Variants in ADGRE3 observed in about 807,000 individuals in gnomAD.
The protein encoded by ADGRE3 is adhesion G protein-coupled receptor E3.
A neutral mutation model predicts 80.1 loss-of-function variants in ADGRE3; 88 were observed. The observed-to-expected ratio is 1.10, with a 90% confidence interval of 0.93 to 1.31. ADGRE3 has a LOEUF of 1.31. Ranked by LOEUF, ADGRE3 falls within the 40% of genes most tolerant of loss-of-function variation. The pLI, the probability that ADGRE3 is intolerant of heterozygous loss-of-function variation, is 0.00. For missense variants in ADGRE3, 715 were observed against 776.5 expected (o/e 0.92, Z 0.94); for synonymous variants, 281 against 294.8 (o/e 0.95, Z 0.48).
At position 14,663,441 on chromosome 19, in the gene ADGRE3, G is replaced by A. The variant is rs755723062; in HGVS notation, c.176C>T (p.Thr59Ile). ...YTSGSGQKLF[T>I]FPLETCNDIN... is the part of the protein sequence containing the mutation. Reference sequence around the variant, plus strand: ...ACCGTTACATGTCTCCAAGGGGAATGTGAATAGTTTCTGCCCAGATCCAGA... The same window carrying A: ...ACCGTTACATGTCTCCAAGGGGAATATGAATAGTTTCTGCCCAGATCCAGA... Residue 59 changes from threonine to isoleucine, a missense_variant, in exon 3 of 16, where the codon ACA becomes ATA. By Grantham distance (89) the Thr-to-Ile change is moderately conservative (BLOSUM62 -1). Transcript: ENST00000253673. 2 of 1,609,190 alleles carry A rather than the reference G, an allele frequency of 1.2e-6. No individual in the cohort carries two copies. Among genetic ancestry groups the A allele is most frequent in the South Asian group, 2.2e-5 (2 of 90,662 alleles).
chr19:14,637,019 G>A (rs576084320), intron 11 of ADGRE3, among the ~76,000 whole-genome samples: 4 of 152,138 alleles, frequency 2.6e-5, no homozygotes, highest in South Asian at 2.1e-4. Flanking sequence ...GCTTGAACCC[G>A]GGAGGTGGAG....
the ADGRE3 span, among the ~76,000 whole-genome samples, chr19:14,603,590 A>G: frequency 6.6e-6 from 1 of 151,562 alleles, no homozygotes; most frequent in African/African-American, 2.4e-5. Flanking sequence ...CTCCCAAGTA[A>G]CTGGGACTAT....
chr19:14,623,946 A>T (rs1224993122), intron 15 of ADGRE3, among the ~76,000 whole-genome samples: 1 of 152,188 alleles, frequency 6.6e-6, no homozygotes, highest in African/African-American at 2.4e-5. Flanking sequence ...ACTCTTCCTC[A>T]TACCCTCCAG....
In ADGRE3 at chr19:14,662,117, G is replaced by A; in HGVS notation, c.201C>T (p.Asp67=). The change falls in exon 4 of 16, where the codon GAC becomes GAT. Residue 67 remains aspartate, a splice_region_variant and synonymous_variant. Coordinates refer to ENST00000253673, the MANE Select transcript of ADGRE3 (RefSeq NM_032571.5). ...LFTFPLETCN[D]INECTPPYSV... is the part of the protein sequence containing the mutation. ...TATAGGGTGGTGTACATTCATTAAT[G>A]TCTGGAACACAAAGAAGCAATTGGG... 1 of 1,613,810 alleles carries A rather than the reference G, an allele frequency of 6.2e-7. No individual in the cohort carries two copies. Among genetic ancestry groups the A allele is most frequent in the Non-Finnish European group, 8.5e-7 (1 of 1,179,828 alleles).
intron 7 of ADGRE3, among the ~76,000 whole-genome samples, chr19:14,648,315 G>A (rs114065256): frequency 6.6e-6 from 1 of 152,070 alleles, no homozygotes. Flanking sequence ...AACTTCCATG[G>A]GCGTGAATTT....
chr19:14,648,475 A>G (rs1599633283), intron 7 of ADGRE3, among the ~76,000 whole-genome samples: 1 of 152,026 alleles, frequency 6.6e-6, no homozygotes, highest in African/African-American at 2.4e-5. Context: ...AGCCCCAGGT[A>G]CCCCAACAGC....
chr19:14,674,703 G>C, intron 1 of ADGRE3, 43 bp downstream of exon 1: 8 of 1,601,340 alleles, frequency 5.0e-6, no homozygotes, highest in Non-Finnish European at 6.8e-6. Context: ...GTCCCTGACT[G>C]GGGGATAGGT....
rs753119764 is a variant in ADGRE3 at position 14,638,168 on chromosome 19, A to G, written c.1421T>C (p.Val474Ala). 1.9e-6 allele frequency: 3 copies of G among 1,613,954 alleles called. No homozygotes were observed. Among genetic ancestry groups the G allele is most frequent in the Non-Finnish European group, 2.5e-6 (3 of 1,179,988 alleles). Residue 474 changes from valine (V) to alanine (A), a missense_variant, in exon 11 of 16, where the codon GTT (valine) becomes GCT (alanine). Val to Ala is a moderately conservative substitution (Grantham distance 64). Coordinates refer to ENST00000253673, the MANE Select transcript of ADGRE3 (RefSeq NM_032571.5). ...KWIMFPVGYG[V>A]PAVTVAISAA... is the part of the protein sequence containing the mutation. ...AGAAATGGCCACAGTCACAGCGGGA[A>G]CGCCATAGCCGACTGGGAACATGAT...
In ADGRE3 at chr19:14,651,123, T is replaced by C; in HGVS notation, c.659A>G (p.Asp220Gly). ...FNLNVQMNSM[D>G]IRCSDIIQGD... ...CTGGATGATGTCACTGCAACGGATG[T>C]CCATTGAGTTCATTTGGACGTTCAA... The change falls in exon 7 of 16, where the codon GAC (aspartate) becomes GGC (glycine). Residue 220 changes from aspartate to glycine, a missense_variant. Coordinates refer to ENST00000253673, the MANE Select transcript of ADGRE3 (RefSeq NM_032571.5). 6.2e-7 allele frequency: 1 copy of C among 1,614,130 alleles called. No individual in the cohort carries two copies. Among genetic ancestry groups the C allele is most frequent in the Non-Finnish European group, 8.5e-7 (1 of 1,179,974 alleles).
intron 6 of ADGRE3, among the ~76,000 whole-genome samples, chr19:14,651,488 C>T (rs1166776807): frequency 1.3e-5 from 2 of 152,194 alleles, no homozygotes; most frequent in East Asian, 1.9e-4. Flanking sequence ...AAACCTATAA[C>T]TTCATCAGGG....
intron 6 of ADGRE3, 80 bp from the exon 7 acceptor site, chr19:14,651,284 G>T: frequency 6.7e-7 from 1 of 1,488,864 alleles, no homozygotes. Flanking sequence ...ACATGGTGGT[G>T]CATGCCTGTA....
At chr19:14,665,936 G>GTATATATATGCATATATATA (rs71166783) in intron 2 of ADGRE3, among the ~76,000 whole-genome samples, 5 of 42,096 alleles carry the variant, frequency 1.2e-4, no homozygotes, top group Middle Eastern at 0.021. Flanking sequence ...ACACATATGT[G>GTATATATATGCATATATATA]TATATATATA....
chr19:14,600,562 C>T, the ADGRE3 span, among the ~76,000 whole-genome samples: 23 of 151,942 alleles, frequency 1.5e-4, no homozygotes, highest in Middle Eastern at 3.4e-3. Flanking sequence ...GTATGCCAGT[C>T]GGAAGAGTTT....
At chr19:14,632,036 C>T (rs756090890) in intron 13 of ADGRE3, among the ~76,000 whole-genome samples, 9 of 152,114 alleles carry the variant, frequency 5.9e-5, no homozygotes, top group Non-Finnish European at 1.0e-4. Context: ...AATACTCATA[C>T]CTCAAGATAT....
intron 11 of ADGRE3, among the ~76,000 whole-genome samples, chr19:14,637,321 C>A (rs6511946): frequency 0.93 from 140,453 of 151,326 alleles, 65,238 homozygotes; most frequent in African/African-American, 0.94. Context: ...GTCCCAGTCC[C>A]GAACTCCTTG....
At chr19:14,641,665 T>C (rs753587053) in intron 9 of ADGRE3, 49 bp from the exon 10 acceptor site, 10 of 1,594,850 alleles carry the variant, frequency 6.3e-6, no homozygotes, top group Non-Finnish European at 8.5e-6. Context: ...GCACTGGGAT[T>C]ATGGCTCCCT....
intron 11 of ADGRE3, among the ~76,000 whole-genome samples, chr19:14,637,377 C>T (rs1310110923): frequency 3.3e-5 from 5 of 149,734 alleles, no homozygotes; most frequent in Admixed American, 2.7e-4. Flanking sequence ...GCTTGGCGCC[C>T]TGAGATTTTT....
chr19:14,663,380 T>C, intron 3 of ADGRE3, 38 bp downstream of exon 3: 1 of 1,262,374 alleles, frequency 7.9e-7, no homozygotes, highest in Non-Finnish European at 1.0e-6. Context: ...ATAATGATAA[T>C]AAAATAATAA....
rs1972093220 is a variant in ADGRE3 at position 14,665,969 on chromosome 19, T to C, written c.77-2429A>G. On this transcript the variant is annotated intron_variant, in intron 2 of 15. Coordinates refer to ENST00000253673, the MANE Select transcript of ADGRE3 (RefSeq NM_032571.5). Reference sequence around the variant, plus strand: ...ATATATATATATATATATATATATATATATATATAGTGTTTTCTTTATCCA... The same window carrying C: ...ATATATATATATATATATATATATACATATATATAGTGTTTTCTTTATCCA... 5.3e-5 allele frequency among the ~76,000 whole-genome samples: 7 copies of C among 131,384 alleles called. No homozygotes were observed. The South Asian group carries it at 7.0e-4, about 13-fold the overall frequency. The allele number at this position is 131,384 out of a possible 152,430, so 86.2% of individuals were successfully genotyped here. A position where few individuals can be genotyped will look rare whatever the true frequency, so the allele number is the denominator to read the frequency against.
Sources: allele counts gnomAD v4.1 joint callset (sites outside exome capture counted in the v4.1 genomes callset), GRCh38; gene constraint gnomAD v4.1.1; transcripts MANE v1.5; gene names NCBI Gene and HGNC (gene_info 2026-07-23, HGNC 2026-07-21).